The following SLC38A8 variants were observed in gnomAD, a reference collection of about 807,000 sequenced individuals.
SLC38A8 encodes the protein amino acid transporter SLC38A8.
A neutral mutation model predicts 46.0 loss-of-function variants in SLC38A8; 65 were observed. The ratio of observed to expected loss-of-function variants is 1.41; its 90% confidence interval spans 1.16 to 1.74. SLC38A8 has a LOEUF of 1.74. Ranked by LOEUF, SLC38A8 falls within the 40% of genes most tolerant of loss-of-function variation. The probability of loss-of-function intolerance (pLI) is 0.00; values close to 1 mark genes in which losing one functional copy is unlikely to be tolerated. For missense variants in SLC38A8, 998 were observed against 567.9 expected, an observed-to-expected ratio of 1.76 and a Z score of -7.70; for synonymous variants, 447 against 243.7, an observed-to-expected ratio of 1.83 and a Z score of -7.77.
rs1340170218 is a variant in SLC38A8 at position 84,017,277 on chromosome 16, G to T, written c.816C>A (p.Gly272=). 4 of 1,613,958 alleles carry T rather than the reference G, an allele frequency of 2.5e-6. No individual in the cohort carries two copies. The East Asian group carries it at 8.9e-5, about 36-fold the overall frequency. Residue 272 remains glycine, a synonymous_variant, in exon 8 of 11, where the codon GGC becomes GGA. Coordinates refer to ENST00000299709, the MANE Select transcript of SLC38A8 (RefSeq NM_001080442.3). The part of the protein sequence containing the change: ...CLIYSLTGVY[G]FLTFGTEVSA... ...AAACTTCTGTCCCAAAAGTCAGGAA[G>T]CCATAAACCCCTGAAGGTGGGAAAG...
chr16:84,017,583 T>A (rs934793506), intron 7 of SLC38A8, among the ~76,000 whole-genome samples: 1 of 152,138 alleles, frequency 6.6e-6, no homozygotes, highest in African/African-American at 2.4e-5. Flanking sequence ...ACAGAGCACT[T>A]TGAAAAATAC....
At chr16:84,025,904 AG>A (rs991017087) in intron 6 of SLC38A8, among the ~76,000 whole-genome samples, 2 of 152,146 alleles carry the variant, frequency 1.3e-5, no homozygotes, top group African/African-American at 2.4e-5. Context: ...CTCTGCCAGC[AG>A]GGGGGACGCA....
chr16:84,014,452 C>G (rs2085000065), intron 9 of SLC38A8, among the ~76,000 whole-genome samples: 1 of 151,986 alleles, frequency 6.6e-6, no homozygotes, highest in Non-Finnish European at 1.5e-5. Context: ...TCTGAAAGCC[C>G]TGCCCAGAGT....
intron 5 of SLC38A8, among the ~76,000 whole-genome samples, chr16:84,030,402 T>C (rs1378538965): frequency 6.6e-6 from 1 of 152,114 alleles, no homozygotes; most frequent in Non-Finnish European, 1.5e-5. Flanking sequence ...CGGCTCAGTG[T>C]ACAGATCTCA....
chr16:84,015,914 G>C (rs1302645548), intron 9 of SLC38A8, among the ~76,000 whole-genome samples: 2 of 152,196 alleles, frequency 1.3e-5, no homozygotes, highest in African/African-American at 4.8e-5. Context: ...CCTGACCTCA[G>C]GTGATCCGCC....
chr16:84,029,599 G>C (rs1255762574), intron 5 of SLC38A8, 48 bp from the exon 6 acceptor site: 2 of 1,583,384 alleles, frequency 1.3e-6, no homozygotes, highest in East Asian at 4.5e-5. Context: ...GTCACACCCG[G>C]AACAACCTGC....
chr16:84,019,879 G>T (rs557085153), intron 7 of SLC38A8, among the ~76,000 whole-genome samples: 1 of 152,364 alleles, frequency 6.6e-6, no homozygotes, highest in South Asian at 2.1e-4. Flanking sequence ...CAAGCTGGAG[G>T]ATCATCTGTT....
intron 2 of SLC38A8, among the ~76,000 whole-genome samples, chr16:84,038,057 TCC>T (rs199878242): frequency 0.031 from 4,652 of 152,188 alleles, 234 homozygotes; most frequent in African/African-American, 0.11. Context: ...ACGCCTGTAA[TCC>T]CAGCACTTCG....
rs749635447 is a variant in SLC38A8 at position 84,031,834 on chromosome 16, C to A, written c.632+33G>T. The A allele has an allele frequency of 3.8e-6, 6 of 1,595,826 alleles. No homozygotes were observed. The East Asian group carries it at 1.1e-4, about 30-fold the overall frequency. ...AGACTCCCCTGCCGTGCCTCCCCGC[C>A]GAGGCTGCCGGAAGCTGTTCCCTCA... On this transcript the variant is annotated intron_variant, in intron 5 of 10. Transcript: ENST00000299709.
At position 84,009,899 on chromosome 16, in the gene SLC38A8, G is replaced by A. The variant is rs186556794; in HGVS notation, c.1215-22C>T. On this transcript the variant is annotated intron_variant, in intron 10 of 10. Transcript: ENST00000299709. ...GCACCTGCCAAGTGAATAAACCCAT[G>A]TCAGAGCTTTTCTGGATTTTTGCAC... 1.8e-5 allele frequency: 29 copies of A among 1,604,694 alleles called. No individual in the cohort carries two copies. The South Asian group carries it at 2.2e-4, about 12-fold the overall frequency.
chr16:84,027,090 G>A (rs140061794), intron 6 of SLC38A8, among the ~76,000 whole-genome samples: 4,499 of 152,248 alleles, frequency 0.03, 244 homozygotes, highest in African/African-American at 0.1. Context: ...AGTGGCTCAC[G>A]CCTGTAATCC....
At chr16:84,028,521 C>T (rs2085193777) in intron 6 of SLC38A8, among the ~76,000 whole-genome samples, 1 of 149,842 alleles carries the variant, frequency 6.7e-6, no homozygotes, top group Non-Finnish European at 1.5e-5. Flanking sequence ...AGCTGAGATC[C>T]ACTACACTCC....
chr16:84,038,086 G>C (rs532899011), intron 2 of SLC38A8, among the ~76,000 whole-genome samples: 1 of 152,048 alleles, frequency 6.6e-6, no homozygotes, highest in South Asian at 2.1e-4. Context: ...CAAGGCGGGA[G>C]GATCACCTGA....
chr16:84,035,498 A>T (rs2085290726), intron 3 of SLC38A8, among the ~76,000 whole-genome samples: 1 of 152,216 alleles, frequency 6.6e-6, no homozygotes, highest in Admixed American at 6.5e-5. Context: ...GAGACTGTCA[A>T]GTTGGATAAA....
In SLC38A8 at chr16:84,027,517, G is replaced by A. The variant is rs1337527928; in HGVS notation, c.690+1977C>T. ...CCCATTGCCAAATGTGTTTGGGCGG[G>A]GACGCTGTGTTTGAGTCAGGTCAGA... is the stretch of plus-strand genomic sequence containing the variant. On this transcript the variant is annotated intron_variant, in intron 6 of 10. Transcript: ENST00000299709. Among the ~76,000 whole-genome samples, 6 of 152,176 alleles carry A rather than the reference G, an allele frequency of 3.9e-5. No homozygotes were observed. The East Asian group carries it at 9.6e-4, about 24-fold the overall frequency.
intron 9 of SLC38A8, among the ~76,000 whole-genome samples, chr16:84,013,433 T>G (rs1160456669): frequency 6.2e-5 from 8 of 128,468 alleles, no homozygotes; most frequent in East Asian, 2.1e-4. Context: ...TGTTTTTTTT[T>G]TTTTTTTTTT....
At position 84,036,712 on chromosome 16, in the gene SLC38A8, C is replaced by G. The variant is rs780521144; in HGVS notation, c.378G>C (p.Gln126His). 1.2e-6 allele frequency: 2 copies of G among 1,614,052 alleles called. No homozygotes were observed. The highest frequency in any genetic ancestry group is 2.7e-5 in the African/African-American group (2 of 74,950). ...CATGAAGGTACTTACGCTTCTCCAG[C>G]TGGTCCCCGATCACCCTGAGGAAGG... is the stretch of plus-strand genomic sequence containing the variant. The part of the protein sequence containing the change: ...SVAFLRVIGD[Q>H]LEKLCDSLLS... The change falls in exon 3 of 11, where the codon CAG (glutamine) becomes CAC (histidine). Residue 126 changes from glutamine (Q) to histidine (H), a missense_variant. Coordinates refer to ENST00000299709, the MANE Select transcript of SLC38A8 (RefSeq NM_001080442.3).
intron 6 of SLC38A8, among the ~76,000 whole-genome samples, chr16:84,025,162 T>TGC (rs1555554015): frequency 6.7e-6 from 1 of 149,840 alleles, no homozygotes; most frequent in Non-Finnish European, 1.5e-5. Context: ...GCGGGGATGC[T>TGC]TTTTCCGGAC....
At chr16:84,032,446 C>A (rs2085252233) in intron 4 of SLC38A8, among the ~76,000 whole-genome samples, 1 of 152,222 alleles carries the variant, frequency 6.6e-6, no homozygotes, top group Admixed American at 6.5e-5. Flanking sequence ...CTTGGCCTCC[C>A]AAAGTGCTGG....
Sources: allele counts gnomAD v4.1 joint callset (sites outside exome capture counted in the v4.1 genomes callset), GRCh38; gene constraint gnomAD v4.1.1; transcripts MANE v1.5; gene names NCBI Gene and HGNC (gene_info 2026-07-23, HGNC 2026-07-21).